Variants in RBFOX1 observed in about 807,000 individuals in gnomAD.
RBFOX1 encodes RNA binding fox-1 homolog 1.
Under a neutral mutation model 57.7 loss-of-function variants are expected in RBFOX1, and 8 were observed. The observed-to-expected ratio is 0.14, with a 90% confidence interval of 0.08 to 0.25. RBFOX1 has a LOEUF of 0.25. RBFOX1 is among the 10% of genes least tolerant of loss of function. The pLI is 1.00. For synonymous variants in RBFOX1, 326 were observed against 222.4 expected, an observed-to-expected ratio of 1.47 and a Z score of -4.15; for missense variants, 611 against 548.5, an observed-to-expected ratio of 1.11 and a Z score of -1.14.
At chr16:7,262,130 G>C (rs1409910196) in intron 4 of RBFOX1, among the ~76,000 whole-genome samples, 1 of 151,668 alleles carries the variant, frequency 6.6e-6, no homozygotes, top group Non-Finnish European at 1.5e-5. Flanking sequence ...GAGAAACTTT[G>C]TAGTAAGTGA....
At chr16:6,261,929 C>T (rs2097703915) in intron 1 of RBFOX1, among the ~76,000 whole-genome samples, 1 of 152,026 alleles carries the variant, frequency 6.6e-6, no homozygotes, top group Non-Finnish European at 1.5e-5. Flanking sequence ...ACTTGGGAGG[C>T]TGAGGCATGA....
intron 3 of RBFOX1, among the ~76,000 whole-genome samples, chr16:6,957,566 C>T (rs1014205526): frequency 2.0e-5 from 3 of 152,032 alleles, no homozygotes; most frequent in African/African-American, 7.2e-5. Context: ...CTCTCATCAC[C>T]ATCTTGGTTT....
intron 3 of RBFOX1, among the ~76,000 whole-genome samples, chr16:5,629,072 A>G (rs2048426892): frequency 6.6e-6 from 1 of 151,538 alleles, no homozygotes; most frequent in Non-Finnish European, 1.5e-5. Context: ...AGCAGCAGTA[A>G]GCAATCAAGA....
intron 3 of RBFOX1, among the ~76,000 whole-genome samples, chr16:5,654,042 T>C (rs960685833): frequency 1.3e-4 from 20 of 152,234 alleles, no homozygotes; most frequent in Admixed American, 5.9e-4. Flanking sequence ...ATAAGCCTGA[T>C]GTCAAGAGTT....
chr16:7,338,086 G>C (rs1284203467), intron 4 of RBFOX1, among the ~76,000 whole-genome samples: 1 of 152,180 alleles, frequency 6.6e-6, no homozygotes, highest in Non-Finnish European at 1.5e-5. Flanking sequence ...TACATGTGCA[G>C]GGTGTGCAGG....
At chr16:6,520,611 C>G (rs758529917) in intron 2 of RBFOX1, among the ~76,000 whole-genome samples, 1 of 152,104 alleles carries the variant, frequency 6.6e-6, no homozygotes, top group African/African-American at 2.4e-5. Context: ...ATGTGGGCAC[C>G]TTTAGCTTGA....
chr16:6,970,729 T>A (rs2085350284), intron 3 of RBFOX1, among the ~76,000 whole-genome samples: 1 of 152,220 alleles, frequency 6.6e-6, no homozygotes, highest in African/African-American at 2.4e-5. Flanking sequence ...GATTTCACCA[T>A]ATGAATTTGT....
At chr16:6,719,468 T>A (rs1482883186) in intron 3 of RBFOX1, among the ~76,000 whole-genome samples, 1 of 150,758 alleles carries the variant, frequency 6.6e-6, no homozygotes, top group South Asian at 2.1e-4. Context: ...TGAGACAGAG[T>A]CTTGCTCTGT....
At chr16:7,486,117 C>CTTTTTTTTTTTTTT (rs61448458) in intron 4 of RBFOX1, among the ~76,000 whole-genome samples, 1 of 77,302 alleles carries the variant, frequency 1.3e-5, no homozygotes, top group Non-Finnish European at 2.3e-5. Context: ...GTGTTTGTGT[C>CTTTTTTTTTTTTTT]TTTTTTTTTT....
chr16:5,408,970 A>G (rs770261706), intron 1 of RBFOX1, among the ~76,000 whole-genome samples: 3 of 152,260 alleles, frequency 2.0e-5, no homozygotes, highest in Admixed American at 6.5e-5. Context: ...TGGGGATTAC[A>G]GTTCAGTGTG....
intron 3 of RBFOX1, among the ~76,000 whole-genome samples, chr16:6,914,012 C>T (rs980848176): frequency 6.6e-6 from 1 of 152,152 alleles, no homozygotes; most frequent in Non-Finnish European, 1.5e-5. Flanking sequence ...TTCTACTTGA[C>T]GTAGCCAGAA....
At chr16:7,338,760 A>G (rs531983436) in intron 4 of RBFOX1, among the ~76,000 whole-genome samples, 2 of 152,364 alleles carry the variant, frequency 1.3e-5, no homozygotes, top group African/African-American at 4.8e-5. Context: ...CCATCCTTAT[A>G]GAAAGATAAA....
At chr16:5,449,568 G>A (rs927946828) in intron 1 of RBFOX1, among the ~76,000 whole-genome samples, 6 of 152,100 alleles carry the variant, frequency 3.9e-5, no homozygotes, top group South Asian at 2.1e-4. Context: ...TGCTTTCTGT[G>A]CAGTCTAATA....
intron 3 of RBFOX1, among the ~76,000 whole-genome samples, chr16:6,657,059 TTTC>T (rs2098662416): frequency 1.8e-5 from 2 of 113,308 alleles, no homozygotes; most frequent in South Asian, 7.3e-4. Context: ...TCTCCTCCCC[TTTC>T]CTCTCCTCTC....
At position 5,686,798 on chromosome 16, in the gene RBFOX1, TAGTC is replaced by T. The variant is rs200397014; in HGVS notation, c.318+87840_318+87843del. On this transcript the variant is annotated intron_variant, in intron 3 of 19. Transcript: ENST00000641259. ...GTAGAAATTCCATTTGGCTATCAAT[TAGTC>T]AGCAAAACTGCTTCTAGTTCTGACA... Among the ~76,000 whole-genome samples, 1,232 of 152,316 alleles carry T rather than the reference TAGTC, an allele frequency of 8.1e-3. 24 individuals carry two copies. Among genetic ancestry groups the T allele is most frequent in the African/African-American group, 0.028 (1,182 of 41,556 alleles).
At chr16:6,085,162 C>G (rs147863627) in intron 1 of RBFOX1, among the ~76,000 whole-genome samples, 1,546 of 152,318 alleles carry the variant, frequency 0.01, 13 homozygotes, top group Non-Finnish European at 0.016. Flanking sequence ...TCCTCCACAA[C>G]TTGCAGATCC....
intron 2 of RBFOX1, among the ~76,000 whole-genome samples, chr16:6,562,868 C>CTTTTTTT (rs1567693795): frequency 4.0e-5 from 2 of 50,336 alleles, no homozygotes; most frequent in East Asian, 4.9e-4. Flanking sequence ...TTCTTTCTTT[C>CTTTTTTT]TTTCTTTCTT....
At chr16:7,017,323 G>C (rs2093966518) in intron 3 of RBFOX1, among the ~76,000 whole-genome samples, 1 of 152,160 alleles carries the variant, frequency 6.6e-6, no homozygotes, top group Admixed American at 6.5e-5. Context: ...TATAGATCCA[G>C]CACCTTTCTA....
chr16:6,498,693 G>C (rs970494922), intron 2 of RBFOX1, among the ~76,000 whole-genome samples: 1 of 152,316 alleles, frequency 6.6e-6, no homozygotes, highest in Admixed American at 6.5e-5. Context: ...GATCACATTG[G>C]ATTGTCCCAG....
Sources: allele counts gnomAD v4.1 joint callset (sites outside exome capture counted in the v4.1 genomes callset), GRCh38; gene constraint gnomAD v4.1.1; transcripts MANE v1.5; gene names NCBI Gene and HGNC (gene_info 2026-07-23, HGNC 2026-07-21).